Variants in KLHL1 observed in about 807,000 individuals in gnomAD.
KLHL1 encodes the protein kelch-like protein 1.
A neutral mutation model predicts 77.7 loss-of-function variants in KLHL1; 47 were observed. That is an observed-to-expected ratio of 0.60 (90% CI 0.48 to 0.77). The LOEUF (loss-of-function observed/expected upper bound fraction) is 0.77, where lower values mean the gene tolerates loss of function less well. Among genes scored for constraint, KLHL1 ranks in the 30% least tolerant of loss-of-function variants. The pLI is 0.00. For missense variants in KLHL1, 925 were observed against 910.8 expected, an observed-to-expected ratio of 1.02 and a Z score of -0.20; for synonymous variants, 360 against 325.2, an observed-to-expected ratio of 1.11 and a Z score of -1.15.
chr13:69,747,485 A>C, intron 7 of KLHL1, among the ~76,000 whole-genome samples: 1 of 152,074 alleles, frequency 6.6e-6, no homozygotes, highest in East Asian at 1.9e-4. Flanking sequence ...ATTAATATGT[A>C]AAACACTTAG....
intron 6 of KLHL1, among the ~76,000 whole-genome samples, chr13:69,832,306 C>T (rs1044669969): frequency 6.7e-6 from 1 of 149,750 alleles, no homozygotes; most frequent in Admixed American, 6.7e-5. Context: ...ACACCAACAG[C>T]GACCAAGCTG....
chr13:69,842,885 G>C (rs1879321814), intron 5 of KLHL1, among the ~76,000 whole-genome samples: 1 of 151,752 alleles, frequency 6.6e-6, no homozygotes, highest in African/African-American at 2.4e-5. Context: ...GCCATTTATA[G>C]CAACATGTAT....
chr13:69,793,967 T>G (rs1876990080), intron 7 of KLHL1, among the ~76,000 whole-genome samples: 1 of 152,178 alleles, frequency 6.6e-6, no homozygotes, highest in Admixed American at 6.6e-5. Flanking sequence ...TCAGTGATGA[T>G]ACATCAGTGT....
intron 5 of KLHL1, among the ~76,000 whole-genome samples, chr13:69,858,888 C>G (rs1403761099): frequency 6.6e-6 from 1 of 152,018 alleles, no homozygotes. Flanking sequence ...AAGTAGAATA[C>G]AAAGTAATAA....
intron 8 of KLHL1, among the ~76,000 whole-genome samples, chr13:69,722,638 A>G (rs1381869446): frequency 6.6e-6 from 1 of 152,140 alleles, no homozygotes; most frequent in Non-Finnish European, 1.5e-5. Context: ...TATTGCCAAA[A>G]AAATTAAAAA....
At chr13:69,922,948 AATAC>A (rs1284431545) in intron 4 of KLHL1, among the ~76,000 whole-genome samples, 2 of 152,174 alleles carry the variant, frequency 1.3e-5, no homozygotes, top group Non-Finnish European at 2.9e-5. Context: ...GTGAATAAAT[AATAC>A]ATAAAGATGA....
chr13:69,705,039 A>G (rs1875562769), intron 10 of KLHL1, among the ~76,000 whole-genome samples: 1 of 151,784 alleles, frequency 6.6e-6, no homozygotes, highest in Admixed American at 6.6e-5. Flanking sequence ...AAACTATACT[A>G]GTCTTTAGAG....
At chr13:69,991,513 A>T (rs541600167) in intron 1 of KLHL1, among the ~76,000 whole-genome samples, 5 of 152,126 alleles carry the variant, frequency 3.3e-5, no homozygotes, top group African/African-American at 1.2e-4. Flanking sequence ...ACTGACCCCA[A>T]GAAATACAAA....
intron 1 of KLHL1, among the ~76,000 whole-genome samples, chr13:70,049,362 C>T (rs1821651729): frequency 6.6e-6 from 1 of 152,124 alleles, no homozygotes. Flanking sequence ...TAAAATTTTA[C>T]TACCCACATT....
chr13:70,049,817 T>C (rs1055764194), intron 1 of KLHL1, among the ~76,000 whole-genome samples: 2 of 152,048 alleles, frequency 1.3e-5, no homozygotes, highest in African/African-American at 4.8e-5. Context: ...TTCAAACTTG[T>C]TCTGGCTTAC....
At chr13:69,984,657 G>C (rs566099785) in intron 1 of KLHL1, among the ~76,000 whole-genome samples, 65 of 152,082 alleles carry the variant, frequency 4.3e-4, no homozygotes, top group Non-Finnish European at 8.2e-4. Flanking sequence ...TATCTCTTCA[G>C]GAGAGAGAGT....
At chr13:70,106,483 G>T (rs1002682254) in intron 1 of KLHL1, among the ~76,000 whole-genome samples, 1 of 152,082 alleles carries the variant, frequency 6.6e-6, no homozygotes. Context: ...CATAATATTT[G>T]AAATAAACTA....
chr13:69,968,494 T>TA (rs962506959), intron 2 of KLHL1, among the ~76,000 whole-genome samples: 109 of 148,698 alleles, frequency 7.3e-4, no homozygotes, highest in South Asian at 8.4e-4. Flanking sequence ...GGAGAAGACT[T>TA]AAAAAAAAAT....
intron 6 of KLHL1, chr13:69,803,109 G>T (rs552364510): frequency 6.6e-4 from 100 of 152,098 alleles, no homozygotes; most frequent in African/African-American, 2.3e-3. Flanking sequence ...TGACACTTTA[G>T]GGATATTTTA....
At chr13:69,856,038 T>C (rs1879906838) in intron 5 of KLHL1, among the ~76,000 whole-genome samples, 1 of 150,530 alleles carries the variant, frequency 6.6e-6, no homozygotes, top group African/African-American at 2.4e-5. Context: ...GAGTTCTTCA[T>C]GGGCCTGTCA....
At chr13:69,759,064 G>A (rs542883096) in intron 7 of KLHL1, among the ~76,000 whole-genome samples, 2 of 152,170 alleles carry the variant, frequency 1.3e-5, no homozygotes, top group Admixed American at 6.5e-5. Flanking sequence ...TACATACCAG[G>A]TGTAGAACTC....
intron 7 of KLHL1, among the ~76,000 whole-genome samples, chr13:69,760,401 G>T (rs1447888737): frequency 6.6e-6 from 1 of 151,954 alleles, no homozygotes; most frequent in African/African-American, 2.4e-5. Flanking sequence ...TTTTGCCCAG[G>T]CTGGAGTGCA....
chr13:70,051,926 CTT>C (rs1340933538), intron 1 of KLHL1, among the ~76,000 whole-genome samples: 2 of 144,230 alleles, frequency 1.4e-5, no homozygotes, highest in African/African-American at 5.5e-5. Context: ...TTTGTCCTAT[CTT>C]TGGTTTTATA....
intron 1 of KLHL1, among the ~76,000 whole-genome samples, chr13:70,071,195 G>A (rs901807733): frequency 3.3e-5 from 5 of 151,808 alleles, no homozygotes; most frequent in South Asian, 2.1e-4. Context: ...AGTAAGCAAC[G>A]GGGAAAGATA....
Sources: allele counts gnomAD v4.1 joint callset (sites outside exome capture counted in the v4.1 genomes callset), GRCh38; gene constraint gnomAD v4.1.1; transcripts MANE v1.5; gene names NCBI Gene and HGNC (gene_info 2026-07-23, HGNC 2026-07-21).